Variants in BPIFB1 observed in about 807,000 individuals in gnomAD.
BPIFB1 encodes the protein BPI fold-containing family B member 1.
A neutral mutation model predicts 55.1 loss-of-function variants in BPIFB1; 34 were observed. The ratio of observed to expected loss-of-function variants is 0.62; its 90% CI spans 0.47 to 0.82. BPIFB1 has a LOEUF of 0.82. Ranked by LOEUF, BPIFB1 falls within the 40% of genes least tolerant of loss-of-function variation. BPIFB1 has a pLI of 0.00. For missense variants in BPIFB1, 532 were observed against 593.1 expected (o/e 0.90, Z 1.07); for synonymous variants, 236 against 245.3 (o/e 0.96, Z 0.35).
intron 11 of BPIFB1, 37 bp downstream of exon 11, chr20:33,303,111 G>A: frequency 6.2e-7 from 1 of 1,609,812 alleles, no homozygotes; most frequent in South Asian, 1.1e-5. Flanking sequence ...CAGCAACCAG[G>A]GGGACCCTTC....
In BPIFB1 at chr20:33,288,900, A is replaced by C. The variant is rs1191238360; in HGVS notation, c.257+18A>C. The stretch of plus-strand genomic sequence containing the variant: ...ATCATCTGGTGAGTGGAGCAGGACC[A>C]CACCAGGAGCTAGCCCCTTCCCACA... On this transcript the variant is annotated intron_variant, in intron 3 of 15. Coordinates refer to ENST00000253354, the MANE Select transcript of BPIFB1 (RefSeq NM_033197.3). 6.2e-7 allele frequency: 1 copy of C among 1,607,634 alleles called. No homozygotes were observed. The highest frequency in any genetic ancestry group is 1.3e-5 in the African/African-American group (1 of 74,850).
In BPIFB1 at chr20:33,292,004, G is replaced by C. The variant is rs752477197; in HGVS notation, c.597+16G>C. 6 of 1,612,290 alleles carry C rather than the reference G, an allele frequency of 3.7e-6. No individual in the cohort carries two copies. Among genetic ancestry groups the C allele is most frequent in the Non-Finnish European group, 5.1e-6 (6 of 1,178,374 alleles). The stretch of plus-strand genomic sequence containing the variant: ...GAAAAACCAGGTGAGTGGAATCAGG[G>C]CCTCTCTGGCCTGTGGGCATTGCGC... On this transcript the variant is annotated intron_variant, in intron 6 of 15. Coordinates refer to ENST00000253354, the MANE Select transcript of BPIFB1 (RefSeq NM_033197.3).
intron 15 of BPIFB1, among the ~76,000 whole-genome samples, chr20:33,308,168 C>T (rs1435002703): frequency 2.6e-5 from 4 of 152,130 alleles, no homozygotes; most frequent in Non-Finnish European, 4.4e-5. Context: ...CTCACAAGAG[C>T]ACACTCACCA....
Position 33,304,852 on chromosome 20 carries a change from T to C in BPIFB1, c.1215T>C (p.Asp405=), listed in dbSNP as rs1980971195. The change falls in exon 13 of 16, where the codon GAT becomes GAC. Residue 405 remains aspartate, a synonymous_variant. Transcript: ENST00000253354. ...LILNLNNISS[D]RIQLMNSGIG... ...CAGGCATCTTCCATTGCAGCTCTGA[T>C]CGGATCCAGCTGATGAACTCTGGGA... The C allele has an allele frequency of 6.2e-7, 1 of 1,614,198 alleles. No individual in the cohort carries two copies. Among genetic ancestry groups the C allele is most frequent in the Non-Finnish European group, 8.5e-7 (1 of 1,180,024 alleles).
At position 33,302,808 on chromosome 20, in the gene BPIFB1, T is replaced by A. The variant is rs6120225; in HGVS notation, c.982-108T>A. ...AGAAGGACAGGGTGGCTGGAACACG[T>A]GAGGGAGCAGGGAGCCCAGGAAGGC... On this transcript the variant is annotated intron_variant, in intron 10 of 15. Transcript: ENST00000253354. 27,858 of 1,280,288 alleles carry A rather than the reference T, an allele frequency of 0.022. 4,423 individuals are homozygous for A. The African/African-American group carries it at 0.35, about 16-fold the overall frequency. 79.3% of individuals were successfully genotyped at this position (1,280,288 alleles called of 1,614,324 possible).
chr20:33,302,391 C>T lies in BPIFB1; in HGVS notation c.960C>T (p.Ser320=). ...AGAGTGCCCATCGGCTGAAGTCAAG[C>T]ATCGGGCTGATCAATGAAAAGGTTG... ...LPESAHRLKS[S]IGLINEKAAD... Residue 320 remains serine (S), a synonymous_variant, in exon 10 of 16, where the codon AGC becomes AGT. Transcript: ENST00000253354. 1 of 1,613,978 alleles carries T rather than the reference C, an allele frequency of 6.2e-7. No individual in the cohort carries two copies. The highest frequency in any genetic ancestry group is 8.5e-7 in the Non-Finnish European group (1 of 1,179,984).
chr20:33,290,042 C>T (rs368474717), intron 4 of BPIFB1, 50 bp downstream of exon 4: 8 of 1,403,238 alleles, frequency 5.7e-6, no homozygotes, highest in African/African-American at 2.8e-5. Flanking sequence ...CTCATCTGCT[C>T]GTTCCCCCTC....
At chr20:33,307,916 C>CTG (rs201432095) in intron 15 of BPIFB1, 1 of 151,226 alleles carries the variant, frequency 6.6e-6, no homozygotes, top group African/African-American at 2.4e-5. Context: ...TCCATCCCCC[C>CTG]CCCAAAAAAA....
intron 2 of BPIFB1, among the ~76,000 whole-genome samples, chr20:33,287,613 TGGA>T (rs1418518589): frequency 6.6e-6 from 1 of 152,138 alleles, no homozygotes; most frequent in African/African-American, 2.4e-5. Flanking sequence ...CACTGTGTGG[TGGA>T]GAAGTTTGCT....
intron 4 of BPIFB1, among the ~76,000 whole-genome samples, chr20:33,290,276 C>T (rs924042571): frequency 4.6e-5 from 7 of 152,076 alleles, no homozygotes; most frequent in Admixed American, 6.6e-5. Context: ...CTGAGTAGGA[C>T]GGGAGCCAGG....
At chr20:33,301,534 C>T (rs1980852634) in intron 9 of BPIFB1, 122 bp downstream of exon 9, 1 of 874,616 alleles carries the variant, frequency 1.1e-6, no homozygotes, top group Non-Finnish European at 1.7e-6. Context: ...GATCTCACTC[C>T]CTCCTCTAAT....
intron 6 of BPIFB1, among the ~76,000 whole-genome samples, chr20:33,293,885 A>G (rs997675685): frequency 2.6e-5 from 4 of 152,342 alleles, no homozygotes; most frequent in East Asian, 1.9e-4. Flanking sequence ...AAACAATGTG[A>G]TTCTTATTAA....
intron 15 of BPIFB1, 132 bp downstream of exon 15, chr20:33,307,119 G>A: frequency 1.2e-5 from 9 of 731,326 alleles, no homozygotes; most frequent in Non-Finnish European, 2.1e-5. Flanking sequence ...CCCTCTCAGG[G>A]CCTCACCTCC....
At position 33,291,005 on chromosome 20, in the gene BPIFB1, A is replaced by G. The variant is rs1052951083; in HGVS notation, c.414A>G (p.Gln138=). Reference sequence around the variant, plus strand: ...AGTTCCACATGACGACTGAGGCCCAAGCCACCATCCGCATGGACACCAGTG... The same window carrying G: ...AGTTCCACATGACGACTGAGGCCCAGGCCACCATCCGCATGGACACCAGTG... The part of the protein sequence containing the change: ...IVEFHMTTEA[Q]ATIRMDTSAS... Residue 138 remains glutamine (Q), a synonymous_variant, in exon 5 of 16, where the codon CAA becomes CAG. Transcript: ENST00000253354. The G allele has an allele frequency of 6.2e-6, 10 of 1,613,884 alleles. No homozygotes were observed. The African/African-American group carries it at 1.3e-4, about 22-fold the overall frequency.
Position 33,301,390 on chromosome 20 carries a change from T to A in BPIFB1, c.905T>A (p.Phe302Tyr). Reference protein sequence around the residue: ...AVAAVLSPEEFMVLLDSVLPE... With the variant: ...AVAAVLSPEEYMVLLDSVLPE... Reference sequence around the variant, plus strand: ...GCTGCTGTGCTCTCTCCAGAAGAATTCATGGTCCTGTTGGACTCTGTGGTA... The same window carrying A: ...GCTGCTGTGCTCTCTCCAGAAGAATACATGGTCCTGTTGGACTCTGTGGTA... Residue 302 changes from phenylalanine to tyrosine, a missense_variant, in exon 9 of 16, where the codon TTC (phenylalanine) becomes TAC (tyrosine). Phe to Tyr is a conservative substitution (Grantham distance 22). Coordinates refer to ENST00000253354, the MANE Select transcript of BPIFB1 (RefSeq NM_033197.3). The A allele has an allele frequency of 1.2e-6, 2 of 1,613,934 alleles. No homozygotes were observed. Among genetic ancestry groups the A allele is most frequent in the Non-Finnish European group, 8.5e-7 (1 of 1,180,000 alleles).
intron 2 of BPIFB1, 47 bp from the exon 3 acceptor site, chr20:33,288,694 C>G (rs1980348791): frequency 6.3e-7 from 1 of 1,596,500 alleles, no homozygotes; most frequent in Non-Finnish European, 8.5e-7. Context: ...CCAAGCCTTC[C>G]TTCTTGCCCC....
At chr20:33,303,390 T>G (rs1412789827) in intron 11 of BPIFB1, among the ~76,000 whole-genome samples, 2 of 152,192 alleles carry the variant, frequency 1.3e-5, no homozygotes, top group Non-Finnish European at 2.9e-5. Context: ...AATATCCTCT[T>G]CATTCTCCTC....
intron 10 of BPIFB1, 158 bp downstream of exon 10, chr20:33,302,570 T>A: frequency 1.3e-6 from 1 of 798,070 alleles, no homozygotes; most frequent in Non-Finnish European, 2.1e-6. Flanking sequence ...AGCAGGCCAG[T>A]TTGACCTGAA....
chr20:33,290,276 C>A (rs924042571), intron 4 of BPIFB1, among the ~76,000 whole-genome samples: 1 of 152,076 alleles, frequency 6.6e-6, no homozygotes, highest in African/African-American at 2.4e-5. Context: ...CTGAGTAGGA[C>A]GGGAGCCAGG....
Sources: allele counts gnomAD v4.1 joint callset (sites outside exome capture counted in the v4.1 genomes callset), GRCh38; gene constraint gnomAD v4.1.1; transcripts MANE v1.5; gene names NCBI Gene and HGNC (gene_info 2026-07-23, HGNC 2026-07-21).